RBFOX1: variants seen among roughly 807,000 people sequenced by gnomAD.
RBFOX1 encodes RNA binding protein fox-1 homolog 1.
A neutral mutation model predicts 57.7 loss-of-function variants in RBFOX1; 8 were observed. The ratio of observed to expected loss-of-function variants is 0.14; its 90% CI spans 0.08 to 0.25. The LOEUF (loss-of-function observed/expected upper bound fraction) is 0.25, where lower values mean the gene tolerates loss of function less well. Among genes scored for constraint, RBFOX1 ranks in the 10% least tolerant of loss-of-function variants. The pLI is 1.00. For missense variants in RBFOX1, 611 were observed against 548.5 expected (o/e 1.11, Z -1.14); for synonymous variants, 326 against 222.4 (o/e 1.47, Z -4.15).
intron 3 of RBFOX1, among the ~76,000 whole-genome samples, chr16:6,671,783 A>G (rs2098766748): frequency 6.6e-6 from 1 of 152,218 alleles, no homozygotes; most frequent in South Asian, 2.1e-4. Flanking sequence ...GTTGCTGTGA[A>G]TGCCATTAAT....
intron 3 of RBFOX1, among the ~76,000 whole-genome samples, chr16:6,684,749 T>C (rs955029882): frequency 5.9e-5 from 9 of 152,232 alleles, no homozygotes; most frequent in African/African-American, 2.2e-4. Flanking sequence ...TGAATGACCG[T>C]TAACTGGTCA....
intron 3 of RBFOX1, among the ~76,000 whole-genome samples, chr16:5,781,315 T>A (rs1318099027): frequency 3.9e-5 from 6 of 152,206 alleles, no homozygotes; most frequent in Admixed American, 2.6e-4. Flanking sequence ...AGCCTCCTCC[T>A]CTTGACTCTA....
intron 3 of RBFOX1, among the ~76,000 whole-genome samples, chr16:6,711,623 T>A (rs1401827856): frequency 6.6e-6 from 1 of 152,186 alleles, no homozygotes; most frequent in Non-Finnish European, 1.5e-5. Context: ...CCTTCCACCA[T>A]GATTGTAAGT....
chr16:6,217,636 T>C (rs1222822212), intron 1 of RBFOX1, among the ~76,000 whole-genome samples: 1 of 152,194 alleles, frequency 6.6e-6, no homozygotes, highest in Non-Finnish European at 1.5e-5. Flanking sequence ...ACGGGCTGAG[T>C]AACCTGCTTG....
chr16:6,269,647 C>T (rs998801814), intron 1 of RBFOX1, among the ~76,000 whole-genome samples: 8 of 152,012 alleles, frequency 5.3e-5, no homozygotes, highest in East Asian at 1.9e-4. Context: ...AAATCTCCTT[C>T]GGAGATGAAG....
At chr16:6,898,333 A>C (rs576845331) in intron 3 of RBFOX1, among the ~76,000 whole-genome samples, 88 of 152,040 alleles carry the variant, frequency 5.8e-4, no homozygotes, top group African/African-American at 2.0e-3. Flanking sequence ...CCTTGGATGG[A>C]GGGGGGTGAG....
chr16:5,422,486 AGCG>A (rs2067367264), intron 1 of RBFOX1, among the ~76,000 whole-genome samples: 1 of 89,604 alleles, frequency 1.1e-5, no homozygotes, highest in Non-Finnish European at 2.2e-5. Context: ...AGGAGGAGGG[AGCG>A]GGAGGAGGTG....
chr16:6,760,155 C>T (rs1320300718), intron 3 of RBFOX1, among the ~76,000 whole-genome samples: 2 of 152,056 alleles, frequency 1.3e-5, no homozygotes, highest in African/African-American at 4.8e-5. Context: ...AATGTACGTA[C>T]ACAAAGATAA....
At chr16:7,016,642 C>A (rs2093930352) in intron 3 of RBFOX1, among the ~76,000 whole-genome samples, 1 of 152,192 alleles carries the variant, frequency 6.6e-6, no homozygotes, top group Admixed American at 6.5e-5. Flanking sequence ...AGGCGTGATA[C>A]ACGATGCAAA....
intron 3 of RBFOX1, among the ~76,000 whole-genome samples, chr16:6,822,637 A>T (rs185606618): frequency 2.0e-5 from 3 of 152,304 alleles, no homozygotes; most frequent in African/African-American, 7.2e-5. Flanking sequence ...CTCATAAGGT[A>T]TGAGGTTAGA....
intron 1 of RBFOX1, among the ~76,000 whole-genome samples, chr16:6,122,069 C>G (rs144697463): frequency 0.019 from 2,920 of 152,190 alleles, 45 homozygotes; most frequent in Non-Finnish European, 0.033. Flanking sequence ...CCATGTCCAG[C>G]TAATTTTAGT....
chr16:7,494,794 G>C (rs1262707339), intron 4 of RBFOX1, among the ~76,000 whole-genome samples: 1 of 147,040 alleles, frequency 6.8e-6, no homozygotes, highest in Non-Finnish European at 1.5e-5. Flanking sequence ...CTTCCCAAAT[G>C]CTTGAGCTCC....
chr16:6,893,925 G>C (rs994602750), intron 3 of RBFOX1, among the ~76,000 whole-genome samples: 1 of 152,144 alleles, frequency 6.6e-6, no homozygotes. Flanking sequence ...AGCTGACCTG[G>C]AGAATGAACA....
chr16:7,171,366 C>T (rs1359000597), intron 4 of RBFOX1, among the ~76,000 whole-genome samples: 3 of 152,202 alleles, frequency 2.0e-5, no homozygotes, highest in Non-Finnish European at 2.9e-5. Context: ...GAGCACTTGA[C>T]ACATAGTATT....
intron 4 of RBFOX1, among the ~76,000 whole-genome samples, chr16:7,087,420 GTT>G (rs2060158146): frequency 6.6e-6 from 1 of 152,150 alleles, no homozygotes; most frequent in Non-Finnish European, 1.5e-5. Context: ...AGTATCATCA[GTT>G]TTTGTTTTCG....
intron 3 of RBFOX1, among the ~76,000 whole-genome samples, chr16:6,857,165 A>G (rs1021371646): frequency 2.0e-5 from 3 of 152,166 alleles, no homozygotes; most frequent in Non-Finnish European, 4.4e-5. Flanking sequence ...TGTGATTTTA[A>G]AAAGACTTTC....
intron 3 of RBFOX1, among the ~76,000 whole-genome samples, chr16:6,847,220 C>T (rs1271215862): frequency 6.6e-6 from 1 of 152,170 alleles, no homozygotes; most frequent in African/African-American, 2.4e-5. Flanking sequence ...TGCATAACAA[C>T]ATTTCATGAT....
chr16:6,101,621 G>T (rs1395376670), intron 1 of RBFOX1, among the ~76,000 whole-genome samples: 1 of 152,010 alleles, frequency 6.6e-6, no homozygotes, highest in East Asian at 1.9e-4. Flanking sequence ...GGAGTAGCTG[G>T]GATTACAGGC....
intron 2 of RBFOX1, among the ~76,000 whole-genome samples, chr16:6,370,563 C>G (rs1310999941): frequency 2.0e-5 from 3 of 151,932 alleles, no homozygotes; most frequent in African/African-American, 7.3e-5. Flanking sequence ...AAACATTACG[C>G]TAAGTGAAAG....
Sources: allele counts gnomAD v4.1 joint callset (sites outside exome capture counted in the v4.1 genomes callset), GRCh38; gene constraint gnomAD v4.1.1; transcripts MANE v1.5; gene names NCBI Gene and HGNC (gene_info 2026-07-23, HGNC 2026-07-21).